TAPBP: variants seen among roughly 807,000 people sequenced by gnomAD.
TAPBP encodes TAP binding protein.
TAPBP carries 38 observed loss-of-function variants against 45.7 expected under a neutral mutation model. The observed-to-expected ratio is 0.83, with a 90% CI of 0.64 to 1.09. The LOEUF (loss-of-function observed/expected upper bound fraction) is 1.09. Among genes scored for constraint, TAPBP ranks in the 50% least tolerant of loss-of-function variants. TAPBP has a pLI of 0.00. For synonymous variants in TAPBP, 226 were observed against 254.8 expected, an observed-to-expected ratio of 0.89 and a Z score of 1.08; for missense variants, 513 against 587.3, an observed-to-expected ratio of 0.87 and a Z score of 1.31.
intron 3 of TAPBP, among the ~76,000 whole-genome samples, chr6:33,311,786 C>T (rs990076691): frequency 6.6e-6 from 1 of 152,114 alleles, no homozygotes; most frequent in African/African-American, 2.4e-5. Context: ...TAGGATTATC[C>T]GTGGCAAATA....
chr6:33,309,643 C>T (rs537338658), intron 3 of TAPBP, among the ~76,000 whole-genome samples: 9 of 114,896 alleles, frequency 7.8e-5, no homozygotes, highest in African/African-American at 3.1e-4. Context: ...CTCACTCTGT[C>T]ACCCATCAAA....
Position 33,304,223 on chromosome 6 carries a change from A to T in TAPBP, c.1211-6T>A, listed in dbSNP as rs188271218. 16 of 1,613,212 alleles carry T rather than the reference A, an allele frequency of 9.9e-6. No homozygotes were observed. The East Asian group carries it at 3.3e-4, about 34-fold the overall frequency. ...AAGGGAGGGCCCTGAAAGACCTGGC[A>T]GGCAGAAGGGGTGAGAGTGAGCTCC... On this transcript the variant is annotated splice_polypyrimidine_tract_variant and splice_region_variant and intron_variant, in intron 5 of 7. Coordinates refer to ENST00000434618, the MANE Select transcript of TAPBP (RefSeq NM_003190.5).
chr6:33,313,350 CGCG>C lies in TAPBP; in HGVS notation c.333_335del (p.Ala112del). The C allele has an allele frequency of 6.2e-7, 1 of 1,613,188 alleles. No individual in the cohort carries two copies. The highest frequency in any genetic ancestry group is 8.5e-7 in the Non-Finnish European group (1 of 1,179,900). The stretch of plus-strand genomic sequence containing the variant: ...CATCCAGGGCCCGCGGGCAGTTCTG[CGCG>C]GGGGTCAGGCCGCTGGCCCATTTCG... On this transcript the variant is annotated inframe_deletion, in exon 3 of 8. Transcript: ENST00000434618. This position sits in a 1 kb window ranked among gnomAD's most constrained non-coding sequence, Gnocchi z 7.2.
chr6:33,303,449 T>C (rs1479629660), intron 7 of TAPBP: 3 of 269,828 alleles, frequency 1.1e-5, no homozygotes, highest in Non-Finnish European at 2.1e-5. Context: ...CTTCAGGCCA[T>C]GTGTATAAGG....
intron 6 of TAPBP, 34 bp downstream of exon 6, chr6:33,304,094 C>G: frequency 6.2e-7 from 1 of 1,611,266 alleles, no homozygotes; most frequent in African/African-American, 1.3e-5. Flanking sequence ...GTCCACCAAC[C>G]TCAGGTCATG....
intron 7 of TAPBP, 29 bp downstream of exon 7, chr6:33,303,926 G>A (rs1247814229): frequency 1.2e-6 from 2 of 1,613,918 alleles, no homozygotes; most frequent in Non-Finnish European, 1.7e-6. Flanking sequence ...AGTGACAAGG[G>A]AAAGATACAG....
intron 3 of TAPBP, chr6:33,308,115 G>A (rs1405988541): frequency 1.3e-5 from 2 of 149,986 alleles, no homozygotes; most frequent in African/African-American, 5.0e-5. Context: ...CTGAGGTCAG[G>A]AGTTCGAGAG....
At position 33,313,473 on chromosome 6, in the gene TAPBP, G is replaced by A. The variant is rs777682903; in HGVS notation, c.213C>T (p.Pro71=). Residue 71 remains proline (P), a synonymous_variant, in exon 3 of 8, where the codon CCC becomes CCT. Transcript: ENST00000434618. The surrounding 1 kb of genome is among the most constrained non-coding windows in gnomAD (Gnocchi z 7.2). ...TGAAGGCAGCCTGGAGGGCGCCCGC[G>A]GGGTCTGAGTGTAGAGAAGGAAGTT... The part of the protein sequence containing the change: ...DPELYLSVHD[P]AGALQAAFRR... The A allele has an allele frequency of 7.6e-6, 12 of 1,568,884 alleles. No individual in the cohort carries two copies. The African/African-American group carries it at 1.5e-4, about 19-fold the overall frequency.
chr6:33,304,231 G>A lies in TAPBP; in HGVS notation c.1211-14C>T. 1 of 1,612,282 alleles carries A rather than the reference G, an allele frequency of 6.2e-7. No individual in the cohort carries two copies. The highest frequency in any genetic ancestry group is 8.5e-7 in the Non-Finnish European group (1 of 1,179,074). ...GCCCTGAAAGACCTGGCAGGCAGAA[G>A]GGGTGAGAGTGAGCTCCTGTCTTCC... On this transcript the variant is annotated splice_polypyrimidine_tract_variant and intron_variant, in intron 5 of 7. Transcript: ENST00000434618.
At position 33,300,338 on chromosome 6, in the gene TAPBP, T is replaced by C. The variant is rs1392247115; in HGVS notation, c.*1422A>G. 2 of 153,426 alleles carry C rather than the reference T, an allele frequency of 1.3e-5. No individual in the cohort carries two copies. Among genetic ancestry groups the C allele is most frequent in the African/African-American group, 4.8e-5 (2 of 41,456 alleles). 9.5% of individuals were successfully genotyped at this position (153,426 alleles called of 1,614,324 possible). ...GACTATGTCAGGGGGTTTGTGAGAT[T>C]TTATAACAAAATTAAGATGTTAGTA... On this transcript the variant is annotated 3_prime_UTR_variant, in exon 8 of 8. Coordinates refer to ENST00000434618, the MANE Select transcript of TAPBP (RefSeq NM_003190.5).
At chr6:33,310,010 C>T (rs1311063290) in intron 3 of TAPBP, among the ~76,000 whole-genome samples, 1 of 151,518 alleles carries the variant, frequency 6.6e-6, no homozygotes, top group Non-Finnish European at 1.5e-5. Flanking sequence ...AGGCATGAGC[C>T]ACTGCGCCCA....
At chr6:33,309,316 C>T (rs1053495715) in intron 3 of TAPBP, among the ~76,000 whole-genome samples, 14 of 151,464 alleles carry the variant, frequency 9.2e-5, no homozygotes, top group Non-Finnish European at 1.2e-4. Flanking sequence ...ACCTGGGAGG[C>T]GGAGGTTGTG....
chr6:33,304,456 C>T lies in TAPBP; in HGVS notation c.1051G>A (p.Ala351Thr). 4 of 1,611,564 alleles carry T rather than the reference C, an allele frequency of 2.5e-6. No individual in the cohort carries two copies. The highest frequency in any genetic ancestry group is 3.4e-6 in the Non-Finnish European group (4 of 1,178,808). ...QKAEGQRWLS[A>T]LRHHSDGSVS... ...GAGCCATCGGAATGGTGGCGCAGGG[C>T]CGAGAGCCACCTCTGCCCCTCGGCC... The change falls in exon 5 of 8, where the codon GCC becomes ACC. Residue 351 changes from alanine (A) to threonine (T), a missense_variant. Transcript: ENST00000434618.
At chr6:33,303,055 G>A (rs570720523) in intron 7 of TAPBP, among the ~76,000 whole-genome samples, 5 of 152,232 alleles carry the variant, frequency 3.3e-5, no homozygotes, top group Non-Finnish European at 7.4e-5. Context: ...AATTTTTTTA[G>A]TGCCAACATG....
In TAPBP at chr6:33,305,161, T is replaced by C; in HGVS notation, c.696A>G (p.Gln232=). The change falls in exon 4 of 8, where the codon CAA becomes CAG. Residue 232 remains glutamine, a synonymous_variant. Transcript: ENST00000434618. The surrounding 1 kb of genome is among the most constrained non-coding windows in gnomAD (Gnocchi z 4.4). ...AAGCAGCAAATGCCACGGCCCCTTC[T>C]TGGGCTGCTGGCATCTGGCCATTCA... ...PGLNGQMPAA[Q]EGAVAFAAWD... 9 of 1,614,238 alleles carry C rather than the reference T, an allele frequency of 5.6e-6. No homozygotes were observed. Among genetic ancestry groups the C allele is most frequent in the South Asian group, 4.4e-5 (4 of 91,086 alleles).
Position 33,313,436 on chromosome 6 carries a change from G to C in TAPBP, c.250C>G (p.Arg84Gly). The change falls in exon 3 of 8, where the codon CGG (arginine) becomes GGG (glycine). Residue 84 changes from arginine (R) to glycine (G), a missense_variant. By Grantham distance (125) the Arg-to-Gly change is moderately radical. Coordinates refer to ENST00000434618, the MANE Select transcript of TAPBP (RefSeq NM_003190.5). This position sits in a 1 kb window ranked among gnomAD's most constrained non-coding sequence, Gnocchi z 7.2. ...TCGCAGTGTGGTGCGGGGGCGCCCC[G>C]GGGATACCGCCTGAAGGCAGCCTGG... ...ALQAAFRRYP[R>G]GAPAPHCEMS... 1.2e-5 allele frequency: 19 copies of C among 1,596,548 alleles called. No individual in the cohort carries two copies. Among genetic ancestry groups the C allele is most frequent in the Non-Finnish European group, 1.5e-5 (18 of 1,169,012 alleles).
At position 33,301,582 on chromosome 6, in the gene TAPBP, A is replaced by C. The variant is rs895362894; in HGVS notation, c.*178T>G. On this transcript the variant is annotated 3_prime_UTR_variant, in exon 8 of 8. Coordinates refer to ENST00000434618, the MANE Select transcript of TAPBP (RefSeq NM_003190.5). ...GAGTGAGACTCCGTCTCAAAAAAAA[A>C]AAAAAAAGAAAAATTATCCCTTATA... The C allele has an allele frequency of 3.7e-5, 23 of 624,462 alleles. No individual in the cohort carries two copies. Among genetic ancestry groups the C allele is most frequent in the African/African-American group, 3.4e-4 (18 of 53,708 alleles). 38.7% of individuals were successfully genotyped at this position (624,462 alleles called of 1,614,324 possible).
At chr6:33,304,836 T>C (rs1437428922) in intron 4 of TAPBP, 153 bp downstream of exon 4, 3 of 1,345,636 alleles carry the variant, frequency 2.2e-6, no homozygotes, top group Non-Finnish European at 3.0e-6. Context: ...AGGAAACTTC[T>C]AGCCTCCCAT....
chr6:33,313,929 T>C lies in TAPBP; in HGVS notation c.38-65A>G, dbSNP rs1248644284. 6.2e-7 allele frequency: 1 copy of C among 1,612,322 alleles called. No individual in the cohort carries two copies. The highest frequency in any genetic ancestry group is 1.3e-5 in the African/African-American group (1 of 74,954). Reference sequence around the variant, plus strand: ...CTGGTGACCTGCCCCACTCCCACCCTGGCATCGGCTCCAGTGGGGCCACCT... The same window carrying C: ...CTGGTGACCTGCCCCACTCCCACCCCGGCATCGGCTCCAGTGGGGCCACCT... On this transcript the variant is annotated intron_variant, in intron 1 of 7. Transcript: ENST00000434618. The surrounding 1 kb of genome is among the most constrained non-coding windows in gnomAD (Gnocchi z 7.2).
Sources: allele counts gnomAD v4.1 joint callset (sites outside exome capture counted in the v4.1 genomes callset), GRCh38; gene constraint gnomAD v4.1.1; non-coding constraint Gnocchi (gnomAD v3.1); transcripts MANE v1.5; gene names NCBI Gene and HGNC (gene_info 2026-07-23, HGNC 2026-07-21).